Variants in SUN2 observed in about 807,000 individuals in gnomAD.
The protein encoded by SUN2 is SUN domain-containing protein 2.
SUN2 carries 60 observed loss-of-function variants against 100.0 expected under a neutral mutation model. The observed-to-expected ratio is 0.60, with a 90% CI of 0.49 to 0.74. The LOEUF is 0.74. Among genes scored for constraint, SUN2 ranks in the 30% least tolerant of loss-of-function variants. The probability of loss-of-function intolerance (pLI) is 0.00; values close to 1 mark genes in which losing one functional copy is unlikely to be tolerated. For missense variants in SUN2, 834 were observed against 954.6 expected (o/e 0.87, Z 1.66); for synonymous variants, 367 against 403.3 (o/e 0.91, Z 1.08).
At chr22:38,752,008 C>G (rs1488970015) in intron 2 of SUN2, among the ~76,000 whole-genome samples, 1 of 152,174 alleles carries the variant, frequency 6.6e-6, no homozygotes, top group African/African-American at 2.4e-5. Flanking sequence ...GAGTTTCACT[C>G]TTGTCAACCC....
At position 38,740,409 on chromosome 22, in the gene SUN2, T is replaced by C; in HGVS notation, c.1214A>G (p.Glu405Gly). The stretch of plus-strand genomic sequence containing the variant: ...CCGCCTCAGCTCCTTCACAGAGCTC[T>C]CCTGGAAGGACTCCTGGGTCATGCT... ...WQSMTQESFQESSVKELRRLE... is the reference protein window; with the variant it reads ...WQSMTQESFQGSSVKELRRLE... Residue 405 changes from glutamate (E) to glycine (G), a missense_variant, in exon 12 of 18, where the codon GAG (glutamate) becomes GGG (glycine). Glu to Gly is a moderately conservative substitution (Grantham distance 98). Transcript: ENST00000689035. The surrounding 1 kb of genome is among the most constrained non-coding windows in gnomAD (Gnocchi z 4.8). 1.3e-6 allele frequency: 2 copies of C among 1,555,282 alleles called. No homozygotes were observed. The highest frequency in any genetic ancestry group is 2.7e-5 in the African/African-American group (2 of 73,892).
intron 9 of SUN2, among the ~76,000 whole-genome samples, chr22:38,741,789 C>A (rs2092859939): frequency 6.6e-6 from 1 of 152,190 alleles, no homozygotes; most frequent in Non-Finnish European, 1.5e-5. Context: ...GCACAGCTCA[C>A]TATGGGGGTG....
At position 38,750,926 on chromosome 22, in the gene SUN2, C is replaced by T. The variant is rs374648086; in HGVS notation, c.396G>A (p.Ser132=). Residue 132 remains serine, a synonymous_variant, in exon 4 of 18, where the codon TCG becomes TCA. Coordinates refer to ENST00000689035, the MANE Select transcript of SUN2 (RefSeq NM_015374.3). The part of the protein sequence containing the change: ...KATEDFLGSS[S]GYSSEDDYVG... The stretch of plus-strand genomic sequence containing the variant: ...CGTAGTCGTCCTCAGAGGAGTAGCC[C>T]GAGGAAGAGCCCAGGAAGTCCTCGG... 2.4e-5 allele frequency: 39 copies of T among 1,614,034 alleles called. No individual in the cohort carries two copies. In the African/African-American group the frequency reaches 3.2e-4, roughly 13 times the overall value.
Position 38,755,493 on chromosome 22 carries a change from T to C in SUN2, c.-38+270A>G. ...GGGCCGGGTTGGGGCAGTCGGCCTT[T>C]GCCCTCCTCCTCCCGGGAGGCTGCC... On this transcript the variant is annotated intron_variant, in intron 1 of 17. Transcript: ENST00000689035. The surrounding 1 kb of genome is among the most constrained non-coding windows in gnomAD (Gnocchi z 5.7). 4 of 986,778 alleles carry C rather than the reference T, an allele frequency of 4.1e-6. No homozygotes were observed. Among genetic ancestry groups the C allele is most frequent in the Non-Finnish European group, 4.8e-6 (4 of 830,698 alleles). 61.1% of individuals were successfully genotyped at this position (986,778 alleles called of 1,614,324 possible). A position where few individuals can be genotyped will look rare whatever the true frequency, so the allele number is the denominator to read the frequency against.
intron 3 of SUN2, 34 bp from the exon 4 acceptor site, chr22:38,751,069 C>T: frequency 2.5e-6 from 4 of 1,609,352 alleles, no homozygotes; most frequent in Non-Finnish European, 3.4e-6. Context: ...TCTTCTGGGC[C>T]TCCAAGAGCT....
chr22:38,736,481 T>TA, intron 17 of SUN2, 101 bp from the exon 18 acceptor site: 5 of 869,500 alleles, frequency 5.8e-6, no homozygotes, highest in South Asian at 3.7e-5. Flanking sequence ...GCCAGATGGC[T>TA]CCCCTGCTCC....
At position 38,750,960 on chromosome 22, in the gene SUN2, C is replaced by G; in HGVS notation, c.362G>C (p.Arg121Pro). ...ESSRASGLVGRKATEDFLGSS... is the reference protein window; with the variant it reads ...ESSRASGLVGPKATEDFLGSS... ...GCCCAGGAAGTCCTCGGTGGCCTTG[C>G]GCCCCACAAGCCCGCTGGCCCTGCT... is the stretch of plus-strand genomic sequence containing the variant. The change falls in exon 4 of 18, where the codon CGC (arginine) becomes CCC (proline). Residue 121 changes from arginine (R) to proline (P), a missense_variant. Arg to Pro is a moderately radical substitution (Grantham distance 103). Around this residue, in one of 3 missense-constraint regions of SUN2, gnomAD observed 559 missense variants for 597.7 expected, o/e 0.94. Coordinates refer to ENST00000689035, the MANE Select transcript of SUN2 (RefSeq NM_015374.3). The G allele has an allele frequency of 6.2e-7, 1 of 1,613,880 alleles. No individual in the cohort carries two copies. Among genetic ancestry groups the G allele is most frequent in the East Asian group, 2.2e-5 (1 of 44,872 alleles).
chr22:38,755,250 C>A lies in SUN2; in HGVS notation c.-38+513G>T. 8.6e-7 allele frequency: 1 copy of A among 1,165,748 alleles called. No homozygotes were observed. Among genetic ancestry groups the A allele is most frequent in the Non-Finnish European group, 1.1e-6 (1 of 930,924 alleles). The allele number at this position is 1,165,748 out of a possible 1,614,324, so 72.2% of individuals were successfully genotyped here. The stretch of plus-strand genomic sequence containing the variant: ...AAACGCCCGGTGCTAACTCCCTCTG[C>A]CCTCATTCCCACAGGCCAAACCTGC... On this transcript the variant is annotated intron_variant, in intron 1 of 17. Transcript: ENST00000689035. The surrounding 1 kb of genome is among the most constrained non-coding windows in gnomAD (Gnocchi z 5.7).
Position 38,755,357 on chromosome 22 carries a change from A to G in SUN2, c.-38+406T>C. On this transcript the variant is annotated intron_variant, in intron 1 of 17. Coordinates refer to ENST00000689035, the MANE Select transcript of SUN2 (RefSeq NM_015374.3). The surrounding 1 kb of genome is among the most constrained non-coding windows in gnomAD (Gnocchi z 5.7). ...TTGCTTTGTTTTGTTTTGTTTTAGA[A>G]CTGAACAAAACGGGCCTTCCTCTGA... is the stretch of plus-strand genomic sequence containing the variant. 2 of 1,040,472 alleles carry G rather than the reference A, an allele frequency of 1.9e-6. No homozygotes were observed. The highest frequency in any genetic ancestry group is 1.2e-6 in the Non-Finnish European group (1 of 860,788). The allele number at this position is 1,040,472 out of a possible 1,614,324, so 64.5% of individuals were successfully genotyped here.
intron 6 of SUN2, chr22:38,749,042 C>G (rs1470585610): frequency 1.4e-5 from 6 of 441,240 alleles, no homozygotes; most frequent in African/African-American, 1.2e-4. Context: ...CTTTGAAAAA[C>G]TCAAAAATTT....
In SUN2 at chr22:38,755,085, G is replaced by C. The variant is rs2092975763; in HGVS notation, c.-38+678C>G. 2.0e-6 allele frequency: 2 copies of C among 1,009,622 alleles called. No homozygotes were observed. Among genetic ancestry groups the C allele is most frequent in the Admixed American group, 3.3e-5 (1 of 29,934 alleles). 62.5% of individuals were successfully genotyped at this position (1,009,622 alleles called of 1,614,324 possible). ...ATCCTTCCCCACTTCTCAGCTGGGC[G>C]ACTTCCTTTCTCAATTCCGCCCTTC... On this transcript the variant is annotated intron_variant, in intron 1 of 17. Coordinates refer to ENST00000689035, the MANE Select transcript of SUN2 (RefSeq NM_015374.3). The surrounding 1 kb of genome is among the most constrained non-coding windows in gnomAD (Gnocchi z 5.7).
intron 6 of SUN2, among the ~76,000 whole-genome samples, chr22:38,749,262 A>G (rs1418918445): frequency 6.6e-6 from 1 of 152,070 alleles, no homozygotes; most frequent in Admixed American, 6.6e-5. Context: ...CACATTCTCA[A>G]ATCCTGGTTC....
Position 38,739,867 on chromosome 22 carries a change from C to T in SUN2, c.1433G>A (p.Arg478Lys), listed in dbSNP as rs1340294697. ...GGGGRVGLLQREEMQAQLREL... is the reference protein window; with the variant it reads ...GGGGRVGLLQKEEMQAQLREL... ...TCGCAGCTGAGCTTGCATCTCCTCT[C>T]TCTGAAGGAGCCCCACGCGGCCCCC... Residue 478 changes from arginine to lysine, a missense_variant, in exon 13 of 18, where the codon AGA (arginine) becomes AAA (lysine). By Grantham distance (26) the Arg-to-Lys change is conservative. This residue lies in a region of SUN2 where 195 missense variants were observed against 280.2 expected (regional missense o/e 0.70). Transcript: ENST00000689035. The surrounding 1 kb of genome is among the most constrained non-coding windows in gnomAD (Gnocchi z 6.7). 1 of 1,613,432 alleles carries T rather than the reference C, an allele frequency of 6.2e-7. No homozygotes were observed. The highest frequency in any genetic ancestry group is 8.5e-7 in the Non-Finnish European group (1 of 1,180,026).
Position 38,740,921 on chromosome 22 carries a change from C to T in SUN2, c.1190+86G>A. Reference sequence around the variant, plus strand: ...TTGGCAAGATGATCAGAACTCTCTGCTCTGCGGCTCTGCTCCCCAGTCCTG... The same window carrying T: ...TTGGCAAGATGATCAGAACTCTCTGTTCTGCGGCTCTGCTCCCCAGTCCTG... On this transcript the variant is annotated intron_variant, in intron 11 of 17. Coordinates refer to ENST00000689035, the MANE Select transcript of SUN2 (RefSeq NM_015374.3). The surrounding 1 kb of genome is among the most constrained non-coding windows in gnomAD (Gnocchi z 4.8). The T allele has an allele frequency of 7.2e-7, 1 of 1,384,794 alleles. No individual in the cohort carries two copies. Among genetic ancestry groups the T allele is most frequent in the Non-Finnish European group, 1.0e-6 (1 of 1,000,648 alleles). The allele number at this position is 1,384,794 out of a possible 1,614,324, so 85.8% of individuals were successfully genotyped here. A position where few individuals can be genotyped will look rare whatever the true frequency, so the allele number is the denominator to read the frequency against.
intron 6 of SUN2, chr22:38,749,030 G>A (rs151072855): frequency 2.2e-5 from 10 of 451,098 alleles, no homozygotes; most frequent in African/African-American, 1.9e-4. Flanking sequence ...AAATAGTGTG[G>A]TCTTTGAAAA....
rs2092842070 is a variant in SUN2 at position 38,740,134 on chromosome 22, C to G, written c.1356+133G>C. On this transcript the variant is annotated intron_variant, in intron 12 of 17. Coordinates refer to ENST00000689035, the MANE Select transcript of SUN2 (RefSeq NM_015374.3). This position sits in a 1 kb window ranked among gnomAD's most constrained non-coding sequence, Gnocchi z 4.8. ...CCTGTCAGTGAGAGCCCACATGTGT[C>G]AAGGCCAACGCCACAGTCTCTTGGG... 1.5e-6 allele frequency: 2 copies of G among 1,317,040 alleles called. No individual in the cohort carries two copies. Among genetic ancestry groups the G allele is most frequent in the Admixed American group, 2.8e-5 (1 of 35,696 alleles). The allele number at this position is 1,317,040 out of a possible 1,614,324, so 81.6% of individuals were successfully genotyped here.
At position 38,750,312 on chromosome 22, in the gene SUN2, C is replaced by G. The variant is rs778655754; in HGVS notation, c.433G>C (p.Asp145His). 6.2e-7 allele frequency: 1 copy of G among 1,613,984 alleles called. No individual in the cohort carries two copies. Among genetic ancestry groups the G allele is most frequent in the East Asian group, 2.2e-5 (1 of 44,876 alleles). ...GAGCTGGAACTCTGCTGGTCCACAT[C>G]CGAGTAGCCTGCGGGGAACGAGGAC... ...SSEDDYVGYS[D>H]VDQQSSSSRL... is the part of the protein sequence containing the mutation. The change falls in exon 5 of 18, where the codon GAT becomes CAT. Residue 145 changes from aspartate (D) to histidine (H), a missense_variant. Physicochemically the swap from Asp to His is moderately conservative, Grantham distance 81. Around this residue, in one of 3 missense-constraint regions of SUN2, gnomAD observed 559 missense variants for 597.7 expected, o/e 0.94. Transcript: ENST00000689035.
At chr22:38,742,177 G>T in intron 9 of SUN2, 124 bp downstream of exon 9, 1 of 1,230,126 alleles carries the variant, frequency 8.1e-7, no homozygotes. Flanking sequence ...AAGAGAAAGG[G>T]AGTAACTGCA....
In SUN2 at chr22:38,752,562, C is replaced by A; in HGVS notation, c.67G>T (p.Gly23Ter). Residue 23 changes from glycine to a stop codon, truncating the protein, a stop_gained, in exon 2 of 18, where the codon GGA becomes TGA. Transcript: ENST00000689035. LOFTEE classifies it high-confidence loss of function. ...TGACTCCCAGCCACCGAGCTCCCTCCGCTGCTGCTGCTGCCGTCATCGTCA... is the reference window on the plus strand; with the variant it reads ...TGACTCCCAGCCACCGAGCTCCCTCAGCTGCTGCTGCTGCCGTCATCGTCA... ...QGDDDGSSSS[G>*]GSSVAGSQST... 6.2e-7 allele frequency: 1 copy of A among 1,613,936 alleles called. No individual in the cohort carries two copies. Among genetic ancestry groups the A allele is most frequent in the African/African-American group, 1.3e-5 (1 of 75,074 alleles).
Sources: allele counts gnomAD v4.1 joint callset (sites outside exome capture counted in the v4.1 genomes callset), GRCh38; gene constraint gnomAD v4.1.1; regional missense constraint gnomAD v4.1.1; non-coding constraint Gnocchi (gnomAD v3.1); transcripts MANE v1.5; gene names NCBI Gene and HGNC (gene_info 2026-07-23, HGNC 2026-07-21).